TAS1R2: variants seen among roughly 807,000 people sequenced by gnomAD.
TAS1R2 encodes the protein taste receptor type 1 member 2.
In TAS1R2, 47 loss-of-function variants were observed where a neutral mutation model predicts 49.3. The observed-to-expected ratio is 0.95, with a 90% CI of 0.75 to 1.22. The LOEUF is 1.22. Ranked by LOEUF, TAS1R2 falls within the 50% of genes most tolerant of loss-of-function variation. The pLI, the probability that TAS1R2 is intolerant of heterozygous loss-of-function variation, is 0.00. For missense variants in TAS1R2, 1,155 were observed against 1,122.1 expected (o/e 1.03, Z -0.42); for synonymous variants, 479 against 467.9 (o/e 1.02, Z -0.31).
At chr1:18,840,338 GGTGTCTGGAAGT>G (rs1464380375) in exon 6 of TAS1R2, 1 of 1,614,010 alleles carries the variant, frequency 6.2e-7, no homozygotes, top group Admixed American at 1.7e-5. Flanking sequence ...GCGAACTATG[GGTGTCTGGAAGT>G]GCCTCCAGAA....
Position 18,854,912 on chromosome 1 carries a change from G to A in TAS1R2, c.558C>T (p.Ser186=), listed in dbSNP as rs376415450. The change falls in exon 3 of 6, where the codon AGC becomes AGT. Residue 186 remains serine (S), a synonymous_variant. Transcript: ENST00000375371. This position sits in a 1 kb window ranked among gnomAD's most constrained non-coding sequence, Gnocchi z 4.9. ...CCATGGCCTCGATGTGGTGGTCGGCGCTGGGTGTGGTACGCAGCAAAGCCG... is the reference window on the plus strand; with the variant it reads ...CCATGGCCTCGATGTGGTGGTCGGCACTGGGTGTGGTACGCAGCAAAGCCG... 25 of 1,613,086 alleles carry A rather than the reference G, an allele frequency of 1.5e-5. No individual in the cohort carries two copies. Among genetic ancestry groups the A allele is most frequent in the African/African-American group, 1.5e-4 (11 of 74,916 alleles).
At chr1:18,858,240 A>C in intron 1 of TAS1R2, 1 of 153,718 alleles carries the variant, frequency 6.5e-6, no homozygotes. Context: ...CACCACCCCC[A>C]TCACCATCAT....
intron 4 of TAS1R2, among the ~76,000 whole-genome samples, chr1:18,843,101 G>A (rs12133364): frequency 0.3 from 46,291 of 151,946 alleles, 7,653 homozygotes; most frequent in Non-Finnish European, 0.37. Context: ...TCAAATCACT[G>A]ACATTCACTA....
chr1:18,840,584 C>G, intron 5 of TAS1R2, 57 bp from the exon 6 acceptor site: 1 of 1,586,784 alleles, frequency 6.3e-7, no homozygotes, highest in South Asian at 1.1e-5. Flanking sequence ...CACCTGCATC[C>G]TCCCAGCCCT....
At chr1:18,855,326 G>A (rs1243120337) in intron 2 of TAS1R2, among the ~76,000 whole-genome samples, 7 of 152,174 alleles carry the variant, frequency 4.6e-5, no homozygotes, top group Non-Finnish European at 1.0e-4. Context: ...CTAGGTGAAT[G>A]ACATAGCCAT....
At position 18,854,585 on chromosome 1, in the gene TAS1R2, G is replaced by C. The variant is rs148401055; in HGVS notation, c.885C>G (p.Gly295=). ...AGGACTCGGAGGCGATCCACACGGC[G>C]CCAGTGAAGTTCTGGCGCAGCACCT... The change falls in exon 3 of 6, where the codon GGC becomes GGG. Residue 295 remains glycine, a synonymous_variant. Transcript: ENST00000375371. This position sits in a 1 kb window ranked among gnomAD's most constrained non-coding sequence, Gnocchi z 4.9. The C allele has an allele frequency of 6.2e-7, 1 of 1,613,836 alleles. No homozygotes were observed. The highest frequency in any genetic ancestry group is 1.3e-5 in the African/African-American group (1 of 74,924).
intron 4 of TAS1R2, among the ~76,000 whole-genome samples, chr1:18,842,507 A>G (rs1933847415): frequency 6.6e-6 from 1 of 152,228 alleles, no homozygotes; most frequent in Non-Finnish European, 1.5e-5. Context: ...TGAAATAATA[A>G]CAGGTATGTT....
chr1:18,854,395 A>T lies in TAS1R2; in HGVS notation c.1075T>A (p.Cys359Ser). Residue 359 changes from cysteine (C) to serine (S), a missense_variant, in exon 3 of 6, where the codon TGC (cysteine) becomes AGC (serine). Cys to Ser is a moderately radical substitution (Grantham distance 112). Coordinates refer to ENST00000375371, the Ensembl canonical transcript of TAS1R2. The surrounding 1 kb of genome is among the most constrained non-coding windows in gnomAD (Gnocchi z 4.9). ...AGGCAGTTGTCGCACTCCTGGTTGC[A>T]GGTATAGCTCTGGCTGGTCCTGCTG... 6.2e-7 allele frequency: 1 copy of T among 1,613,942 alleles called. No homozygotes were observed. The highest frequency in any genetic ancestry group is 8.5e-7 in the Non-Finnish European group (1 of 1,179,922).
In TAS1R2 at chr1:18,847,907, G is replaced by A. The variant is rs563828105; in HGVS notation, c.1467+1434C>T. Among the ~76,000 whole-genome samples the A allele has an allele frequency of 2.5e-3, 379 of 152,350 alleles. 4 individuals are homozygous for A. In the South Asian group the frequency reaches 0.046, roughly 19 times the overall value. On this transcript the variant is annotated intron_variant, in intron 4 of 5. Transcript: ENST00000375371. ...CAGAAGGCAAGGAGAAGCAAGTCAC[G>A]TCTTAAATGGATAGCAGCAAGCGGA...
intron 3 of TAS1R2, among the ~76,000 whole-genome samples, chr1:18,850,566 C>G (rs1934002774): frequency 6.6e-6 from 1 of 152,246 alleles, no homozygotes; most frequent in African/African-American, 2.4e-5. Flanking sequence ...GGATGAGGAT[C>G]AGGATGGCGG....
rs1402760294 is a variant in TAS1R2 at position 18,854,702 on chromosome 1, G to A, written c.768C>T (p.Arg256=). 4 of 1,613,600 alleles carry A rather than the reference G, an allele frequency of 2.5e-6. No individual in the cohort carries two copies. Among genetic ancestry groups the A allele is most frequent in the South Asian group, 2.2e-5 (2 of 91,068 alleles). ...GCAGCTTGTCCACAATGGTCACCAG[G>A]CGCTGGCGCTCCTCTGACGTCATGT... The change falls in exon 3 of 6, where the codon CGC becomes CGT. Residue 256 remains arginine, a synonymous_variant. Transcript: ENST00000375371. The surrounding 1 kb of genome is among the most constrained non-coding windows in gnomAD (Gnocchi z 4.9).
intron 4 of TAS1R2, among the ~76,000 whole-genome samples, chr1:18,848,186 G>T (rs1933956497): frequency 6.6e-6 from 1 of 152,068 alleles, no homozygotes; most frequent in African/African-American, 2.4e-5. Flanking sequence ...GCTGTATGCT[G>T]TATATAGAGA....
chr1:18,857,711 C>G, intron 1 of TAS1R2, 80 bp from the exon 2 acceptor site: 4 of 1,476,056 alleles, frequency 2.7e-6, no homozygotes, highest in Non-Finnish European at 3.6e-6. Context: ...CCCACTCCTC[C>G]TTCCTGCCAC....
At chr1:18,846,906 C>T (rs1370513629) in intron 4 of TAS1R2, among the ~76,000 whole-genome samples, 2 of 152,206 alleles carry the variant, frequency 1.3e-5, no homozygotes, top group Non-Finnish European at 2.9e-5. Flanking sequence ...CCTCTTGGCA[C>T]TCTCCTCCTG....
chr1:18,859,601 C>T lies in TAS1R2; in HGVS notation c.60G>A (p.Glu20=), dbSNP rs764196926. 33 of 1,614,224 alleles carry T rather than the reference C, an allele frequency of 2.0e-5. 2 individuals carry two copies. The South Asian group carries it at 3.3e-4, about 16-fold the overall frequency. ...GGTAGAAGTCCGAGTTCTCAGCCGG[C>T]TCAGCCAGGACCCATAGGAGGAAGA... Residue 20 remains glutamate (E), a synonymous_variant, in exon 1 of 6, where the codon GAG becomes GAA. Coordinates refer to ENST00000375371, the Ensembl canonical transcript of TAS1R2.
chr1:18,857,631 C>G (rs776064782), exon 2 of TAS1R2: 6 of 1,609,884 alleles, frequency 3.7e-6, no homozygotes, highest in Non-Finnish European at 5.1e-6. Flanking sequence ...TCACTTCATA[C>G]CTGGAGGGGC....
At chr1:18,859,327 G>A (rs1934198939) in intron 1 of TAS1R2, 152 bp downstream of exon 1, 1 of 961,612 alleles carries the variant, frequency 1.0e-6, no homozygotes, top group African/African-American at 1.6e-5. Context: ...CTGAGGACTA[G>A]GGGCATGGAT....
intron 4 of TAS1R2, among the ~76,000 whole-genome samples, chr1:18,847,540 A>C (rs891579725): frequency 3.2e-5 from 4 of 126,552 alleles, no homozygotes; most frequent in African/African-American, 9.0e-5. Context: ...AAGAGGGTGC[A>C]GGCTATTAGC....
chr1:18,840,128 C>G (rs778839734), exon 6 of TAS1R2: 3 of 1,614,186 alleles, frequency 1.9e-6, no homozygotes, highest in African/African-American at 2.7e-5. Flanking sequence ...GCGTGGGAAG[C>G]GGCTGGCCAT....
Sources: gnomAD v4.1 joint callset for allele counts (sites outside exome capture counted in the v4.1 genomes callset) on GRCh38, gnomAD v4.1.1 for gene constraint, Gnocchi (gnomAD v3.1) non-coding constraint, MANE v1.5 for transcripts, NCBI Gene and HGNC (gene_info 2026-07-23, HGNC 2026-07-21) for gene names.